Variants in NR1H4 observed in about 807,000 individuals in gnomAD.
NR1H4 encodes bile acid receptor.
NR1H4 carries 23 observed loss-of-function variants against 58.5 expected under a neutral mutation model. The observed-to-expected ratio is 0.39, with a 90% CI of 0.28 to 0.56. NR1H4 has a LOEUF of 0.56. Ranked by LOEUF, NR1H4 falls within the 20% of genes least tolerant of loss-of-function variation. The pLI is 0.58. For synonymous variants in NR1H4, 214 were observed against 198.0 expected (o/e 1.08, Z -0.68); for missense variants, 487 against 576.9 (o/e 0.84, Z 1.60).
At chr12:100,563,067 G>A (rs1479239646) in intron 10 of NR1H4, among the ~76,000 whole-genome samples, 184 bp from the exon 11 acceptor site, 1 of 152,144 alleles carries the variant, frequency 6.6e-6, no homozygotes, top group African/African-American at 2.4e-5. Flanking sequence ...TACATGTGTT[G>A]TATCTTGATC....
At chr12:100,528,379 A>T (rs900818618) in intron 4 of NR1H4, among the ~76,000 whole-genome samples, 4 of 152,144 alleles carry the variant, frequency 2.6e-5, no homozygotes, top group African/African-American at 9.7e-5. Flanking sequence ...AAAGAAAAAA[A>T]AAAAAGAGGC....
intron 8 of NR1H4, 135 bp from the exon 9 acceptor site, chr12:100,540,537 A>G: frequency 1.1e-6 from 1 of 903,970 alleles, no homozygotes; most frequent in South Asian, 1.4e-5. Context: ...TGGCGAGTAC[A>G]AATGGACTCA....
At chr12:100,503,789 T>G (rs1953892967) in intron 3 of NR1H4, among the ~76,000 whole-genome samples, 3 of 152,202 alleles carry the variant, frequency 2.0e-5, no homozygotes, top group South Asian at 4.1e-4. Context: ...CTAATATTAA[T>G]ATCAATGGAC....
intron 4 of NR1H4, among the ~76,000 whole-genome samples, chr12:100,521,508 A>G (rs1343632883): frequency 6.6e-6 from 1 of 152,230 alleles, no homozygotes; most frequent in African/African-American, 2.4e-5. Flanking sequence ...CTGCATTTCC[A>G]AATAGGTCAG....
intron 1 of NR1H4, among the ~76,000 whole-genome samples, chr12:100,489,891 T>G (rs867457106): frequency 4.5e-4 from 69 of 152,164 alleles, no homozygotes; most frequent in African/African-American, 1.5e-3. Context: ...CTGACTTGAG[T>G]GGACCCTGCT....
At chr12:100,562,825 T>C (rs1431786352) in intron 10 of NR1H4, among the ~76,000 whole-genome samples, 3 of 152,238 alleles carry the variant, frequency 2.0e-5, no homozygotes, top group Non-Finnish European at 4.4e-5. Flanking sequence ...GCCATTTTTA[T>C]ACATTATCTT....
At chr12:100,556,475 A>C (rs1223341582) in intron 9 of NR1H4, among the ~76,000 whole-genome samples, 2 of 151,806 alleles carry the variant, frequency 1.3e-5, no homozygotes, top group African/African-American at 4.8e-5. Flanking sequence ...CTCAAAGAAA[A>C]AAAAAACAAA....
chr12:100,537,349 T>C (rs1954837273), intron 8 of NR1H4, among the ~76,000 whole-genome samples: 1 of 152,208 alleles, frequency 6.6e-6, no homozygotes, highest in Non-Finnish European at 1.5e-5. Flanking sequence ...AGAAAGGATA[T>C]TTAAAATAAT....
At chr12:100,545,701 G>C in intron 9 of NR1H4, among the ~76,000 whole-genome samples, 1 of 148,870 alleles carries the variant, frequency 6.7e-6, no homozygotes, top group South Asian at 2.2e-4. Flanking sequence ...GTAATGTCTG[G>C]ATCTATTAAT....
intron 3 of NR1H4, among the ~76,000 whole-genome samples, chr12:100,508,462 G>T (rs1954024131): frequency 6.6e-6 from 1 of 152,110 alleles, no homozygotes; most frequent in Non-Finnish European, 1.5e-5. Flanking sequence ...ATGTTTTTAA[G>T]TATCACACAC....
intron 8 of NR1H4, among the ~76,000 whole-genome samples, chr12:100,539,067 T>C (rs1486855467): frequency 6.6e-6 from 1 of 152,134 alleles, no homozygotes; most frequent in African/African-American, 2.4e-5. Context: ...TGAAGACAAA[T>C]AAAAACCTTA....
intron 3 of NR1H4, among the ~76,000 whole-genome samples, chr12:100,506,280 G>T (rs1337258728): frequency 6.6e-6 from 1 of 152,092 alleles, no homozygotes; most frequent in African/African-American, 2.4e-5. Flanking sequence ...TACCTTCTGA[G>T]ATAGCAACAG....
At chr12:100,511,821 C>A (rs1954125103) in intron 4 of NR1H4, among the ~76,000 whole-genome samples, 1 of 152,150 alleles carries the variant, frequency 6.6e-6, no homozygotes, top group Admixed American at 6.5e-5. Context: ...ACTCAGGAGG[C>A]TGAGGCAGGA....
At chr12:100,480,779 G>A (rs976067607) in intron 1 of NR1H4, among the ~76,000 whole-genome samples, 6 of 152,200 alleles carry the variant, frequency 3.9e-5, no homozygotes, top group Admixed American at 2.6e-4. Context: ...TCTGTGGGGC[G>A]GCTGAGCAGC....
chr12:100,538,873 C>G (rs1021417959), intron 8 of NR1H4, among the ~76,000 whole-genome samples: 1 of 151,956 alleles, frequency 6.6e-6, no homozygotes, highest in Non-Finnish European at 1.5e-5. Context: ...TCTTTATTAA[C>G]AATGAAAGAG....
At chr12:100,525,187 T>C (rs1178645080) in intron 4 of NR1H4, 1 of 152,256 alleles carries the variant, frequency 6.6e-6, no homozygotes, top group East Asian at 1.9e-4. Context: ...CATGCAGTTC[T>C]TGTACAGTCT....
intron 3 of NR1H4, chr12:100,503,420 A>T (rs1953881420): frequency 6.3e-7 from 1 of 1,597,670 alleles, no homozygotes; most frequent in Non-Finnish European, 8.5e-7. Context: ...TAGAAAATCC[A>T]ATTCAAATTA....
At chr12:100,541,892 C>A (rs1178216368) in intron 9 of NR1H4, among the ~76,000 whole-genome samples, 2 of 152,150 alleles carry the variant, frequency 1.3e-5, no homozygotes, top group Admixed American at 6.6e-5. Context: ...CCACCACACC[C>A]AGCCGGTTTC....
chr12:100,483,709 C>T (rs1253319140), intron 1 of NR1H4, among the ~76,000 whole-genome samples: 11 of 152,180 alleles, frequency 7.2e-5, no homozygotes, highest in Admixed American at 5.2e-4. Flanking sequence ...CCAGGTCAGG[C>T]GCGGTGGCTC....
Sources: gnomAD v4.1 joint callset for allele counts (sites outside exome capture counted in the v4.1 genomes callset) on GRCh38, gnomAD v4.1.1 for gene constraint, MANE v1.5 for transcripts, NCBI Gene and HGNC (gene_info 2026-07-23, HGNC 2026-07-21) for gene names.